Variants in RANBP17 observed in about 807,000 individuals in gnomAD.
RANBP17 encodes ran-binding protein 17.
A neutral mutation model predicts 141.2 loss-of-function variants in RANBP17; 158 were observed. The observed-to-expected ratio is 1.12, with a 90% CI of 0.98 to 1.28. RANBP17 has a LOEUF of 1.28. Among genes scored for constraint, RANBP17 ranks in the 50% most tolerant of loss-of-function variants. The probability of loss-of-function intolerance (pLI) is 0.00; values close to 1 mark genes in which losing one functional copy is unlikely to be tolerated. For missense variants in RANBP17, 1,438 were observed against 1,290.7 expected, an observed-to-expected ratio of 1.11 and a Z score of -1.75; for synonymous variants, 430 against 450.0, an observed-to-expected ratio of 0.96 and a Z score of 0.56.
chr5:171,189,362 T>A (rs1761479027), intron 18 of RANBP17, among the ~76,000 whole-genome samples: 1 of 152,272 alleles, frequency 6.6e-6, no homozygotes. Context: ...TTGTGTAAAC[T>A]ACCAGAGCTG....
chr5:171,164,926 G>A (rs1478047848), intron 14 of RANBP17, among the ~76,000 whole-genome samples: 1 of 152,172 alleles, frequency 6.6e-6, no homozygotes, highest in African/African-American at 2.4e-5. Context: ...CAGATTATAA[G>A]ATTTTGTTTA....
At chr5:171,277,637 G>GTGTGTATATGTATATA (rs1437482589) in intron 25 of RANBP17, among the ~76,000 whole-genome samples, 1 of 56,904 alleles carries the variant, frequency 1.8e-5, no homozygotes, top group African/African-American at 5.8e-5. Context: ...ATATATGTAT[G>GTGTGTATATGTATATA]TATATATATA....
At chr5:171,245,654 G>A (rs2127999554) in intron 24 of RANBP17, among the ~76,000 whole-genome samples, 1 of 152,176 alleles carries the variant, frequency 6.6e-6, no homozygotes, top group African/African-American at 2.4e-5. Flanking sequence ...CTATCCTGCA[G>A]TTGAATAACT....
At chr5:170,897,240 T>A (rs1770210295) in intron 5 of RANBP17, 1 of 651,256 alleles carries the variant, frequency 1.5e-6, no homozygotes, top group African/African-American at 1.8e-5. Flanking sequence ...CAAGACCAGG[T>A]TTTAGAGAAA....
In RANBP17 at chr5:171,242,591, T is replaced by C; in HGVS notation, c.2638-91T>C. On this transcript the variant is annotated intron_variant, in intron 23 of 27. Coordinates refer to ENST00000523189, the MANE Select transcript of RANBP17 (RefSeq NM_022897.5). The stretch of plus-strand genomic sequence containing the variant: ...ACCTTGTGTTTAAATAAGTTTACAA[T>C]TTCCAGTATTATAAATGACAATTTT... 4 of 1,335,434 alleles carry C rather than the reference T, an allele frequency of 3.0e-6. No homozygotes were observed. In the South Asian group the frequency reaches 3.8e-5, roughly 13 times the overall value. 82.7% of individuals were successfully genotyped at this position (1,335,434 alleles called of 1,614,324 possible).
chr5:171,039,019 A>G (rs763533276), intron 14 of RANBP17, among the ~76,000 whole-genome samples: 15 of 152,038 alleles, frequency 9.9e-5, no homozygotes, highest in Non-Finnish European at 1.9e-4. Context: ...GCTTTTGTGA[A>G]TAGTGCTGTG....
At chr5:171,227,093 C>T (rs1049944074) in intron 22 of RANBP17, among the ~76,000 whole-genome samples, 4 of 152,128 alleles carry the variant, frequency 2.6e-5, no homozygotes, top group African/African-American at 7.2e-5. Context: ...CCTACAATGG[C>T]CTACAAGTAT....
intron 1 of RANBP17, among the ~76,000 whole-genome samples, chr5:170,871,302 CTCCCAAAGT>C (rs1767703129): frequency 3.6e-5 from 1 of 27,784 alleles, no homozygotes; most frequent in Non-Finnish European, 1.5e-4. Flanking sequence ...CTGCCTCTGC[CTCCCAAAGT>C]TCTGGGATTA....
Position 171,086,828 on chromosome 5 carries a change from A to G in RANBP17, c.1711-83302A>G, listed in dbSNP as rs1322503312. 2.7e-5 allele frequency among the ~76,000 whole-genome samples: 4 copies of G among 145,864 alleles called. No homozygotes were observed. The East Asian group carries it at 6.0e-4, about 22-fold the overall frequency. On this transcript the variant is annotated intron_variant, in intron 14 of 27. Coordinates refer to ENST00000523189, the MANE Select transcript of RANBP17 (RefSeq NM_022897.5). Reference sequence around the variant, plus strand: ...GGTGATATCCCCTTTATCATTTTTTATTGTGTCTATTTGATTCTTCTCTCT... The same window carrying G: ...GGTGATATCCCCTTTATCATTTTTTGTTGTGTCTATTTGATTCTTCTCTCT...
intron 12 of RANBP17, among the ~76,000 whole-genome samples, chr5:170,943,656 T>C (rs991283248): frequency 6.6e-6 from 1 of 152,168 alleles, no homozygotes; most frequent in Admixed American, 6.5e-5. Context: ...ATTATAGATA[T>C]GAAACTTATG....
intron 14 of RANBP17, among the ~76,000 whole-genome samples, chr5:171,135,591 C>T (rs1017579330): frequency 6.6e-6 from 1 of 152,150 alleles, no homozygotes; most frequent in African/African-American, 2.4e-5. Context: ...TCCACCCTGA[C>T]CCCTTGCCCC....
rs10691735 is a variant in RANBP17, at chr5:171,141,621, CAAAAAAAAAAA to C, written c.1711-28498_1711-28488del. Among the ~76,000 whole-genome samples the C allele has an allele frequency of 9.0e-5, 5 of 55,326 alleles. No homozygotes were observed. In the South Asian group the frequency reaches 3.5e-3, roughly 39 times the overall value. 36.3% of individuals were successfully genotyped at this position (55,326 alleles called of 152,430 possible). ...ACTGAGATGGAGCGAGACTCCATCTCAAAAAAAAAAAAAAAAAAAAAGTGAAGATATATACT... is the reference window on the plus strand; with the variant it reads ...ACTGAGATGGAGCGAGACTCCATCTCAAAAAAAAAAGTGAAGATATATACT... On this transcript the variant is annotated intron_variant, in intron 14 of 27. Coordinates refer to ENST00000523189, the MANE Select transcript of RANBP17 (RefSeq NM_022897.5).
intron 1 of RANBP17, among the ~76,000 whole-genome samples, chr5:170,866,629 C>G (rs948813130): frequency 6.6e-6 from 1 of 151,018 alleles, no homozygotes; most frequent in Non-Finnish European, 1.5e-5. Flanking sequence ...GAGCCGAGAT[C>G]GCACCACTGC....
chr5:171,110,961 C>T (rs556530034), intron 14 of RANBP17, among the ~76,000 whole-genome samples: 2 of 151,812 alleles, frequency 1.3e-5, no homozygotes, highest in Non-Finnish European at 2.9e-5. Context: ...ACTGCACCCA[C>T]TAACTCGTCA....
At chr5:171,122,032 A>C (rs1038208961) in intron 14 of RANBP17, among the ~76,000 whole-genome samples, 5 of 152,140 alleles carry the variant, frequency 3.3e-5, no homozygotes, top group African/African-American at 1.2e-4. Flanking sequence ...AAGGACTGCC[A>C]TTGTTTTTGG....
chr5:171,093,249 C>T (rs1471544062), intron 14 of RANBP17, among the ~76,000 whole-genome samples: 1 of 151,766 alleles, frequency 6.6e-6, no homozygotes, highest in African/African-American at 2.4e-5. Flanking sequence ...ATACATATCA[C>T]GGACAGGTTT....
rs1022195491 is a variant in RANBP17 at position 171,095,763 on chromosome 5, C to G, written c.1711-74367C>G. The stretch of plus-strand genomic sequence containing the variant: ...AGGAGTTAGGGGAACTGACACCCCC[C>G]CGACACACCCACACAGTCAAAAATC... On this transcript the variant is annotated intron_variant, in intron 14 of 27. Transcript: ENST00000523189. Among the ~76,000 whole-genome samples the G allele has an allele frequency of 3.9e-5, 6 of 152,214 alleles. No individual in the cohort carries two copies. The South Asian group carries it at 1.2e-3, about 32-fold the overall frequency.
rs141158438 is a variant in RANBP17, at chr5:170,982,602, A to G, written c.1710+14225A>G. 2.3e-3 allele frequency among the ~76,000 whole-genome samples: 346 copies of G among 152,320 alleles called. 2 individuals carry two copies. Among genetic ancestry groups the G allele is most frequent in the African/African-American group, 7.8e-3 (325 of 41,560 alleles). On this transcript the variant is annotated intron_variant, in intron 14 of 27. Transcript: ENST00000523189. Reference sequence around the variant, plus strand: ...GAACAGAAAGTTAAAATAAAACTGGATAATAGGAGAGAAAATAGAGAATCC... The same window carrying G: ...GAACAGAAAGTTAAAATAAAACTGGGTAATAGGAGAGAAAATAGAGAATCC...
chr5:170,980,031 T>A (rs1777650409), intron 14 of RANBP17, among the ~76,000 whole-genome samples: 1 of 152,176 alleles, frequency 6.6e-6, no homozygotes, highest in African/African-American at 2.4e-5. Flanking sequence ...GCTGATGTGA[T>A]CTCAGATGGA....
Sources: gnomAD v4.1 joint callset for allele counts (sites outside exome capture counted in the v4.1 genomes callset) on GRCh38, gnomAD v4.1.1 for gene constraint, MANE v1.5 for transcripts, NCBI Gene and HGNC (gene_info 2026-07-23, HGNC 2026-07-21) for gene names.